The following ADCY1 variants were observed in gnomAD, a reference collection of about 807,000 sequenced individuals.
ADCY1 encodes adenylate cyclase 1.
Under a neutral mutation model 105.4 loss-of-function variants are expected in ADCY1, and 28 were observed. The observed-to-expected ratio is 0.27, with a 90% CI of 0.20 to 0.36. The LOEUF is 0.36. Among genes scored for constraint, ADCY1 ranks in the 10% least tolerant of loss-of-function variants. The pLI, the probability that ADCY1 is intolerant of heterozygous loss-of-function variation, is 1.00. For missense variants in ADCY1, 977 were observed against 1,434.2 expected (o/e 0.68, Z 5.15); for synonymous variants, 655 against 623.8 (o/e 1.05, Z -0.75).
At chr7:45,700,336 A>G (rs948182393) in intron 14 of ADCY1, among the ~76,000 whole-genome samples, 2 of 152,232 alleles carry the variant, frequency 1.3e-5, no homozygotes, top group Non-Finnish European at 2.9e-5. Context: ...CATGGGTCAC[A>G]GAGTGCCTCT....
intron 5 of ADCY1, among the ~76,000 whole-genome samples, chr7:45,649,723 C>T (rs1248144656): frequency 1.3e-5 from 2 of 152,226 alleles, no homozygotes; most frequent in African/African-American, 2.4e-5. Flanking sequence ...GCTGGTACCT[C>T]AAGCATTGTG....
chr7:45,596,470 T>C (rs966422126), intron 2 of ADCY1, among the ~76,000 whole-genome samples: 5 of 152,024 alleles, frequency 3.3e-5, no homozygotes, highest in African/African-American at 1.2e-4. Context: ...TGGATGGATG[T>C]ACCCTGGTCC....
At chr7:45,583,718 A>G (rs935193313) in intron 1 of ADCY1, among the ~76,000 whole-genome samples, 14 of 151,142 alleles carry the variant, frequency 9.3e-5, no homozygotes, top group Non-Finnish European at 2.1e-4. Context: ...TCGGCTCACC[A>G]CAACCTCCGA....
intron 5 of ADCY1, among the ~76,000 whole-genome samples, chr7:45,656,437 T>G (rs924755227): frequency 1.3e-5 from 2 of 152,276 alleles, no homozygotes; most frequent in African/African-American, 4.8e-5. Context: ...GAACGTGTGC[T>G]GGGACTTGTG....
chr7:45,598,592 G>A (rs1455190884), intron 2 of ADCY1, among the ~76,000 whole-genome samples: 7 of 152,148 alleles, frequency 4.6e-5, no homozygotes, highest in African/African-American at 1.7e-4. Context: ...TTTGAAGAGA[G>A]ACAAAATGGC....
At chr7:45,592,546 C>G (rs1304738033) in intron 1 of ADCY1, among the ~76,000 whole-genome samples, 3 of 152,198 alleles carry the variant, frequency 2.0e-5, no homozygotes, top group African/African-American at 7.2e-5. Context: ...CTGGTTACTC[C>G]TCATCCCCTG....
chr7:45,574,790 G>A lies in ADCY1; in HGVS notation c.247G>A (p.Ala83Thr), dbSNP rs1294800429. ...GCTGGCGCTGGCCGAGCTGCTGGGC[G>A]CGCCGGGGCCCGCGCCCGGCCTGGC... ...GALALAELLG[A>T]PGPAPGLAKG... Residue 83 changes from alanine to threonine, a missense_variant, in exon 1 of 20, where the codon GCG (alanine) becomes ACG (threonine). Physicochemically the swap from Ala to Thr is moderately conservative, Grantham distance 58 (BLOSUM62 0). Transcript: ENST00000297323. This position sits in a 1 kb window ranked among gnomAD's most constrained non-coding sequence, Gnocchi z 7.0. The A allele has an allele frequency of 1.3e-6, 2 of 1,539,758 alleles. No individual in the cohort carries two copies. Among genetic ancestry groups the A allele is most frequent in the Non-Finnish European group, 1.7e-6 (2 of 1,150,182 alleles).
chr7:45,632,241 A>G (rs1268908497), intron 4 of ADCY1, among the ~76,000 whole-genome samples: 1 of 152,192 alleles, frequency 6.6e-6, no homozygotes, highest in Non-Finnish European at 1.5e-5. Flanking sequence ...TATAGTCTGG[A>G]ATCAGGTCCT....
At chr7:45,711,648 C>T (rs62457567) in intron 19 of ADCY1, among the ~76,000 whole-genome samples, 90 of 40,118 alleles carry the variant, frequency 2.2e-3, no homozygotes, top group African/African-American at 3.9e-3. Context: ...TATATATACA[C>T]ACACACACGT....
chr7:45,699,924 G>A (rs989431071), intron 14 of ADCY1, among the ~76,000 whole-genome samples: 2 of 152,160 alleles, frequency 1.3e-5, no homozygotes, highest in African/African-American at 2.4e-5. Context: ...CAGCACAGAA[G>A]GGGGGCTGTG....
chr7:45,579,407 C>A (rs1584242693), intron 1 of ADCY1, among the ~76,000 whole-genome samples: 1 of 152,112 alleles, frequency 6.6e-6, no homozygotes, highest in Non-Finnish European at 1.5e-5. Context: ...CCTCCTCCCC[C>A]ACCAGCCCCT....
In ADCY1 at chr7:45,596,572, C is replaced by T. The variant is rs559862551; in HGVS notation, c.789+3664C>T. On this transcript the variant is annotated intron_variant, in intron 2 of 19. Transcript: ENST00000297323. ...TGAGAGGGATTCTGGGTCAATGCAC[C>T]CTGGTCCTGGGAGCCGATGTGGGCA... 1.8e-4 allele frequency among the ~76,000 whole-genome samples: 27 copies of T among 152,224 alleles called. 1 individual carries two copies. In the South Asian group the frequency reaches 2.3e-3, roughly 13 times the overall value.
intron 6 of ADCY1, among the ~76,000 whole-genome samples, chr7:45,658,476 T>C (rs1050501084): frequency 2.0e-5 from 3 of 152,148 alleles, no homozygotes; most frequent in Admixed American, 1.3e-4. Flanking sequence ...AATCTCCCTT[T>C]TGTATGATCT....
At position 45,610,402 on chromosome 7, in the gene ADCY1, G is replaced by A. The variant is rs750321646; in HGVS notation, c.813G>A (p.Leu271=). The change falls in exon 3 of 20, where the codon CTG becomes CTA. Residue 271 remains leucine (L), a synonymous_variant. Coordinates refer to ENST00000297323, the MANE Select transcript of ADCY1 (RefSeq NM_021116.4). Reference sequence around the variant, plus strand: ...AGGAGCGGCTCCTCATGAGCCTCCTGCCCCGGAACGTTGCCATGGAGATGA... The same window carrying A: ...AGGAGCGGCTCCTCATGAGCCTCCTACCCCGGAACGTTGCCATGGAGATGA... The part of the protein sequence containing the change: ...EKQERLLMSL[L]PRNVAMEMKE... 2 of 1,613,906 alleles carry A rather than the reference G, an allele frequency of 1.2e-6. No individual in the cohort carries two copies. The highest frequency in any genetic ancestry group is 1.7e-6 in the Non-Finnish European group (2 of 1,179,972).
chr7:45,643,565 ATTC>A (rs1794581716), intron 4 of ADCY1, among the ~76,000 whole-genome samples: 1 of 151,874 alleles, frequency 6.6e-6, no homozygotes. Flanking sequence ...GCTCGAAATA[ATTC>A]TTCTCTCTGT....
chr7:45,578,472 C>T (rs1342944465), intron 1 of ADCY1, among the ~76,000 whole-genome samples: 1 of 152,158 alleles, frequency 6.6e-6, no homozygotes, highest in East Asian at 1.9e-4. Flanking sequence ...CTTGGCTGCT[C>T]ACAGTCAGTA....
intron 2 of ADCY1, among the ~76,000 whole-genome samples, chr7:45,604,912 G>A (rs948055977): frequency 9.9e-5 from 15 of 152,164 alleles, no homozygotes; most frequent in Non-Finnish European, 5.9e-5. Context: ...TCAATTTGGA[G>A]AGGGTTGACA....
At chr7:45,700,579 G>A (rs951276929) in intron 14 of ADCY1, among the ~76,000 whole-genome samples, 1 of 152,180 alleles carries the variant, frequency 6.6e-6, no homozygotes, top group African/African-American at 2.4e-5. Context: ...AGTGAGGTTT[G>A]GGGAGAGGGC....
At position 45,673,446 on chromosome 7, in the gene ADCY1, A is replaced by T. The variant is rs752903465; in HGVS notation, c.1606-4423A>T. 9.8e-5 allele frequency among the ~76,000 whole-genome samples: 15 copies of T among 152,316 alleles called. No individual in the cohort carries two copies. The South Asian group carries it at 1.7e-3, about 17-fold the overall frequency. Reference sequence around the variant, plus strand: ...TCAGGAATTTTTAAATTATAAAGTCAATTTCTTTAGAAATTATAGGATTTT... The same window carrying T: ...TCAGGAATTTTTAAATTATAAAGTCTATTTCTTTAGAAATTATAGGATTTT... On this transcript the variant is annotated intron_variant, in intron 8 of 19. Transcript: ENST00000297323.
Sources: gnomAD v4.1 joint callset for allele counts (sites outside exome capture counted in the v4.1 genomes callset) on GRCh38, gnomAD v4.1.1 for gene constraint, Gnocchi (gnomAD v3.1) non-coding constraint, MANE v1.5 for transcripts, NCBI Gene and HGNC (gene_info 2026-07-23, HGNC 2026-07-21) for gene names.